The following PRELID2 variants were observed in gnomAD, a reference collection of about 807,000 sequenced individuals.
PRELID2 encodes the protein PRELI domain-containing protein 2.
Under a neutral mutation model 28.4 loss-of-function variants are expected in PRELID2, and 25 were observed. That is an observed-to-expected ratio of 0.88 (90% CI 0.64 to 1.23). The LOEUF (loss-of-function observed/expected upper bound fraction) is 1.23. Among genes scored for constraint, PRELID2 ranks in the 50% most tolerant of loss-of-function variants. PRELID2 has a pLI of 0.00. For synonymous variants in PRELID2, 76 were observed against 71.6 expected (o/e 1.06, Z -0.31); for missense variants, 201 against 214.4 (o/e 0.94, Z 0.39).
intron 1 of PRELID2, among the ~76,000 whole-genome samples, chr5:145,748,206 G>A (rs1256861379): frequency 2.6e-5 from 4 of 152,184 alleles, no homozygotes; most frequent in African/African-American, 7.2e-5. Flanking sequence ...TAGGAAGAGA[G>A]GAAGTCAAAT....
At chr5:145,623,569 C>T (rs766677769) in intron 1 of PRELID2, among the ~76,000 whole-genome samples, 6 of 151,922 alleles carry the variant, frequency 3.9e-5, no homozygotes, top group Non-Finnish European at 7.4e-5. Context: ...AGCCAAAAAA[C>T]TGATACATAT....
At chr5:145,383,683 T>C in the PRELID2 span, among the ~76,000 whole-genome samples, 1 of 148,474 alleles carries the variant, frequency 6.7e-6, no homozygotes, top group Admixed American at 6.7e-5. Context: ...TTTAGGTGGA[T>C]TGTAGACCTA....
chr5:145,501,476 G>A (rs1405168358), intron 1 of PRELID2, among the ~76,000 whole-genome samples: 2 of 152,124 alleles, frequency 1.3e-5, no homozygotes, highest in Non-Finnish European at 2.9e-5. Flanking sequence ...GAGACCCGGT[G>A]GGAGGTAATT....
chr5:145,504,649 T>C (rs1274011094), intron 1 of PRELID2, among the ~76,000 whole-genome samples: 3 of 152,166 alleles, frequency 2.0e-5, no homozygotes, highest in Admixed American at 6.5e-5. Context: ...ACCTCCCTTT[T>C]ATTTAGTAAC....
exon 3 of PRELID2, chr5:145,471,987 T>G (rs550250874): frequency 6.6e-6 from 1 of 152,280 alleles, no homozygotes; most frequent in Admixed American, 6.5e-5. Context: ...CATTGTTTAG[T>G]CTTTCTTTGT....
intron 1 of PRELID2, among the ~76,000 whole-genome samples, chr5:145,697,034 TATATATA>T (rs1210091559): frequency 1.5e-4 from 1 of 6,844 alleles, no homozygotes; most frequent in Non-Finnish European, 4.9e-4. Context: ...AGAGGAAAAT[TATATATA>T]TATATATATA....
intron 1 of PRELID2, among the ~76,000 whole-genome samples, chr5:145,658,325 C>T (rs1236359494): frequency 6.6e-6 from 1 of 152,198 alleles, no homozygotes; most frequent in South Asian, 2.1e-4. Flanking sequence ...CAGCCCTAGA[C>T]CCCTCCTGAA....
the PRELID2 span, among the ~76,000 whole-genome samples, chr5:145,245,395 G>A: frequency 4.6e-5 from 7 of 151,832 alleles, no homozygotes; most frequent in Admixed American, 1.3e-4. Context: ...GAAAGTGAGC[G>A]GGTAGAAAAG....
Position 145,740,883 on chromosome 5 carries a change from TAC to T in PRELID2, n.70+24046_70+24047del, listed in dbSNP as rs1491359141. 9.1e-5 allele frequency among the ~76,000 whole-genome samples: 9 copies of T among 98,400 alleles called. 1 individual carries two copies. The highest frequency in any genetic ancestry group is 2.8e-4 in the African/African-American group (6 of 21,782). The allele number at this position is 98,400 out of a possible 152,430, so 64.6% of individuals were successfully genotyped here. ...ATATATTTATCGATAAATATATATGTACATATATTTATCGATAAATATATATG... is the reference window on the plus strand; with the variant it reads ...ATATATTTATCGATAAATATATATGTATATATTTATCGATAAATATATATG... On this transcript the variant is annotated intron_variant and non_coding_transcript_variant, in intron 1 of 2. Coordinates refer to the PRELID2 transcript ENST00000510259.
the PRELID2 span, among the ~76,000 whole-genome samples, chr5:145,340,164 C>T: frequency 3.3e-5 from 5 of 152,142 alleles, no homozygotes; most frequent in African/African-American, 1.2e-4. Flanking sequence ...AGCATCCAAC[C>T]CATGAGCCTA....
At position 145,664,878 on chromosome 5, in the gene PRELID2, C is replaced by T. The variant is rs571949606; in HGVS notation, n.70+100053G>A. ...CCATATCTCATTTCACAGCAGCTGC[C>T]AAGGAGCTGTCAGAAACTGGTTCTT... On this transcript the variant is annotated intron_variant and non_coding_transcript_variant, in intron 1 of 2. Coordinates refer to the PRELID2 transcript ENST00000510259. Among the ~76,000 whole-genome samples the T allele has an allele frequency of 2.6e-5, 4 of 152,152 alleles. No homozygotes were observed. The South Asian group carries it at 8.3e-4, about 32-fold the overall frequency.
chr5:145,370,919 T>C, the PRELID2 span, among the ~76,000 whole-genome samples: 1 of 152,120 alleles, frequency 6.6e-6, no homozygotes, highest in African/African-American at 2.4e-5. Context: ...TATCTGCTTG[T>C]CTATTGTTGG....
the PRELID2 span, among the ~76,000 whole-genome samples, chr5:145,275,785 C>T: frequency 3.1e-4 from 47 of 152,230 alleles, no homozygotes; most frequent in African/African-American, 9.9e-4. Context: ...AACTAGAGCT[C>T]GGTTCAGACT....
chr5:145,485,617 G>C (rs1033029703), intron 1 of PRELID2, among the ~76,000 whole-genome samples: 11 of 152,106 alleles, frequency 7.2e-5, no homozygotes, highest in African/African-American at 2.7e-4. Context: ...GCACTTCTGC[G>C]TGCCTGTGCT....
At chr5:145,575,958 T>C (rs1561509155) in intron 1 of PRELID2, among the ~76,000 whole-genome samples, 1 of 152,126 alleles carries the variant, frequency 6.6e-6, no homozygotes, top group Non-Finnish European at 1.5e-5. Context: ...TTCTCCATCC[T>C]CCCAACCACG....
chr5:145,431,386 G>A, the PRELID2 span, among the ~76,000 whole-genome samples: 11 of 152,030 alleles, frequency 7.2e-5, 1 homozygote, highest in East Asian at 9.7e-4. Flanking sequence ...ATAAATAAAC[G>A]GATAAACTGA....
the PRELID2 span, among the ~76,000 whole-genome samples, chr5:145,342,731 T>C: frequency 6.6e-6 from 1 of 151,828 alleles, no homozygotes; most frequent in East Asian, 1.9e-4. Flanking sequence ...TTTCTTGTTT[T>C]CTATGTCCTT....
chr5:145,421,439 A>C, the PRELID2 span, among the ~76,000 whole-genome samples: 1 of 150,104 alleles, frequency 6.7e-6, no homozygotes, highest in Admixed American at 6.7e-5. Flanking sequence ...CAGGGATTCA[A>C]CTTCTTCCTG....
At chr5:145,818,965 G>C (rs374248587) in intron 3 of PRELID2, among the ~76,000 whole-genome samples, 10 of 152,204 alleles carry the variant, frequency 6.6e-5, no homozygotes, top group Admixed American at 5.2e-4. Context: ...TCACGGGGGC[G>C]GGTTTTCCTG....
Sources: gnomAD v4.1 joint callset for allele counts (sites outside exome capture counted in the v4.1 genomes callset) on GRCh38, gnomAD v4.1.1 for gene constraint, MANE v1.5 for transcripts, NCBI Gene and HGNC (gene_info 2026-07-23, HGNC 2026-07-21) for gene names.